The following SLC24A3 variants were observed in gnomAD, a reference collection of about 807,000 sequenced individuals.
The protein encoded by SLC24A3 is solute carrier family 24 member 3, also known as sodium/potassium/calcium exchanger 3.
In SLC24A3, 28 loss-of-function variants were observed where a neutral mutation model predicts 75.8. The observed-to-expected ratio is 0.37, with a 90% confidence interval of 0.27 to 0.51. The LOEUF is 0.51. Among genes scored for constraint, SLC24A3 ranks in the 20% least tolerant of loss-of-function variants. The probability of loss-of-function intolerance (pLI) is 0.94; values close to 1 mark genes in which losing one functional copy is unlikely to be tolerated. For synonymous variants in SLC24A3, 372 were observed against 334.1 expected (o/e 1.11, Z -1.24); for missense variants, 663 against 847.8 (o/e 0.78, Z 2.71).
At chr20:19,406,826 G>T (rs1201709014) in intron 2 of SLC24A3, among the ~76,000 whole-genome samples, 1 of 152,288 alleles carries the variant, frequency 6.6e-6, no homozygotes, top group African/African-American at 2.4e-5. Context: ...TTATTTGTTT[G>T]CTTTTTCTAT....
intron 8 of SLC24A3, among the ~76,000 whole-genome samples, chr20:19,669,949 A>G (rs1182427322): frequency 6.6e-6 from 1 of 152,102 alleles, no homozygotes; most frequent in Non-Finnish European, 1.5e-5. Flanking sequence ...TCCTCAGAGG[A>G]CAGCGGGTGA....
At chr20:19,469,816 T>G (rs112773848) in intron 2 of SLC24A3, among the ~76,000 whole-genome samples, 111 of 152,308 alleles carry the variant, frequency 7.3e-4, no homozygotes, top group African/African-American at 2.5e-3. Context: ...ACACCATCAC[T>G]TTATGAATAT....
At chr20:19,373,658 C>G (rs1251815790) in intron 2 of SLC24A3, among the ~76,000 whole-genome samples, 3 of 152,094 alleles carry the variant, frequency 2.0e-5, no homozygotes, top group Non-Finnish European at 4.4e-5. Flanking sequence ...TCTAGCCCAC[C>G]CTATAGATTC....
intron 6 of SLC24A3, among the ~76,000 whole-genome samples, chr20:19,596,178 A>G (rs1056973904): frequency 2.0e-5 from 3 of 152,150 alleles, no homozygotes; most frequent in Non-Finnish European, 4.4e-5. Context: ...CTTGGCAGAG[A>G]AAGGATACTA....
chr20:19,379,324 G>C (rs562851178), intron 2 of SLC24A3, among the ~76,000 whole-genome samples: 1 of 152,276 alleles, frequency 6.6e-6, no homozygotes, highest in East Asian at 1.9e-4. Context: ...ACTCTGGAGT[G>C]GGGTGGTAGA....
intron 14 of SLC24A3, among the ~76,000 whole-genome samples, chr20:19,697,934 C>T (rs141850658): frequency 3.9e-5 from 6 of 152,224 alleles, no homozygotes; most frequent in Admixed American, 6.5e-5. Context: ...TAAAGAAATA[C>T]CTGAGGCTGA....
Position 19,681,961 on chromosome 20 carries a change from T to A in SLC24A3, c.871T>A (p.Cys291Ser). 1 of 1,614,164 alleles carries A rather than the reference T, an allele frequency of 6.2e-7. No homozygotes were observed. The highest frequency in any genetic ancestry group is 8.5e-7 in the Non-Finnish European group (1 of 1,180,022). Residue 291 changes from cysteine (C) to serine (S), a missense_variant, in exon 10 of 17, where the codon TGC (cysteine) becomes AGC (serine). This residue lies in a region of SLC24A3 where 510 missense variants were observed against 703.6 expected (regional missense o/e 0.72). Transcript: ENST00000328041. ...TGCTGAAATTGATGACAGCAGCAAC[T>A]GCGACGCAACTGTGGTGCTACTTAA... ...NNAEIDDSSN[C>S]DATVVLLKKA...
chr20:19,526,183 A>C (rs1456269282), intron 3 of SLC24A3, among the ~76,000 whole-genome samples: 2 of 152,164 alleles, frequency 1.3e-5, no homozygotes, highest in African/African-American at 4.8e-5. Flanking sequence ...CTGGTCCCAA[A>C]GCACCCTTGT....
chr20:19,587,195 G>A (rs2031310525), intron 6 of SLC24A3, among the ~76,000 whole-genome samples: 1 of 152,210 alleles, frequency 6.6e-6, no homozygotes, highest in South Asian at 2.1e-4. Flanking sequence ...CCTGAAGCTT[G>A]ATTCACAAGC....
At chr20:19,360,090 G>A (rs1373152041) in intron 2 of SLC24A3, among the ~76,000 whole-genome samples, 1 of 152,212 alleles carries the variant, frequency 6.6e-6, no homozygotes, top group Non-Finnish European at 1.5e-5. Context: ...GGAAACTGGG[G>A]AGACCTCCAA....
intron 2 of SLC24A3, among the ~76,000 whole-genome samples, chr20:19,471,987 C>T (rs1046895599): frequency 6.6e-6 from 1 of 152,052 alleles, no homozygotes; most frequent in Non-Finnish European, 1.5e-5. Context: ...TCTTTAAATC[C>T]CAAGTTCTCC....
In SLC24A3 at chr20:19,713,795, A is replaced by C. The variant is rs990938801; in HGVS notation, c.1720-3733A>C. ...TCAGTTCAACCTCATAAGCACCAAC[A>C]AAGCAGGAACTGTATTATCCCCATT... On this transcript the variant is annotated intron_variant, in intron 15 of 16. Transcript: ENST00000328041. 3.3e-5 allele frequency among the ~76,000 whole-genome samples: 5 copies of C among 152,318 alleles called. No homozygotes were observed. In the South Asian group the frequency reaches 1.0e-3, roughly 32 times the overall value.
intron 1 of SLC24A3, among the ~76,000 whole-genome samples, chr20:19,272,566 A>C (rs148364784): frequency 6.6e-6 from 1 of 152,266 alleles, no homozygotes; most frequent in African/African-American, 2.4e-5. Context: ...CAAGGCTGTC[A>C]TGCAGACAGT....
At chr20:19,414,804 C>T (rs528719993) in intron 2 of SLC24A3, among the ~76,000 whole-genome samples, 21 of 152,304 alleles carry the variant, frequency 1.4e-4, no homozygotes, top group Non-Finnish European at 2.5e-4. Context: ...AGAGCATGAA[C>T]TCAATCTGTG....
rs778046824 is a variant in SLC24A3, at chr20:19,696,015, C to CTTTTT, written c.1492-768_1492-764dup. On this transcript the variant is annotated intron_variant, in intron 13 of 16. Transcript: ENST00000328041. Reference sequence around the variant, plus strand: ...ATGGCTTTCCCCTTTTTTTCCTTTTCTTTTTTTTTTTTTTTTTTGTGAGAC... The same window carrying CTTTTT: ...ATGGCTTTCCCCTTTTTTTCCTTTTCTTTTTTTTTTTTTTTTTTTTTTTGTGAGAC... Among the ~76,000 whole-genome samples the CTTTTT allele has an allele frequency of 4.6e-3, 499 of 108,048 alleles. 13 individuals are homozygous for CTTTTT. The highest frequency in any genetic ancestry group is 7.9e-3 in the African/African-American group (223 of 28,152). 70.9% of individuals were successfully genotyped at this position (108,048 alleles called of 152,430 possible).
At chr20:19,674,712 G>A (rs2032504499) in intron 9 of SLC24A3, among the ~76,000 whole-genome samples, 1 of 152,188 alleles carries the variant, frequency 6.6e-6, no homozygotes, top group South Asian at 2.1e-4. Context: ...AAACCACCAT[G>A]TTATGACATA....
At chr20:19,577,375 G>A (rs1047955906) in intron 3 of SLC24A3, among the ~76,000 whole-genome samples, 1 of 152,252 alleles carries the variant, frequency 6.6e-6, no homozygotes, top group East Asian at 1.9e-4. Context: ...TTAATAAAAA[G>A]CCCATTGGCA....
chr20:19,497,299 G>T (rs755404048), intron 2 of SLC24A3, among the ~76,000 whole-genome samples: 1 of 152,174 alleles, frequency 6.6e-6, no homozygotes, highest in Admixed American at 6.5e-5. Flanking sequence ...GGTAGAAGGG[G>T]CTAGGACCGT....
chr20:19,427,006 A>G (rs2122445902), intron 2 of SLC24A3, among the ~76,000 whole-genome samples: 1 of 152,314 alleles, frequency 6.6e-6, no homozygotes, highest in South Asian at 2.1e-4. Context: ...CTAGGACAGG[A>G]AATACAAGGG....
Sources: gnomAD v4.1 joint callset for allele counts (sites outside exome capture counted in the v4.1 genomes callset) on GRCh38, gnomAD v4.1.1 for gene constraint, gnomAD v4.1.1 regional missense constraint, MANE v1.5 for transcripts, NCBI Gene and HGNC (gene_info 2026-07-23, HGNC 2026-07-21) for gene names.